The following BANP variants were observed in gnomAD, a reference collection of about 807,000 sequenced individuals.
The protein encoded by BANP is protein BANP.
Under a neutral mutation model 68.1 loss-of-function variants are expected in BANP, and 11 were observed. That is an observed-to-expected ratio of 0.16 (90% confidence interval 0.10 to 0.27). The LOEUF (loss-of-function observed/expected upper bound fraction) is 0.27. Among genes scored for constraint, BANP ranks in the 10% least tolerant of loss-of-function variants. BANP has a pLI of 1.00. For synonymous variants in BANP, 329 were observed against 303.2 expected (o/e 1.09, Z -0.88); for missense variants, 504 against 722.7 (o/e 0.70, Z 3.47).
intron 11 of BANP, among the ~76,000 whole-genome samples, chr16:88,054,240 C>T (rs2084299624): frequency 8.2e-6 from 1 of 121,420 alleles, no homozygotes; most frequent in Non-Finnish European, 2.0e-5. Flanking sequence ...TCATCACCAT[C>T]ACCAACACAG....
Position 88,021,535 on chromosome 16 carries a change from G to A in BANP, c.895+2868G>A, listed in dbSNP as rs114393581. ...GGACCAGGGCTGTGCCTTCTCCCCC[G>A]CCTCAGGCTAGGCGTGCCTGCGTGG... On this transcript the variant is annotated intron_variant, in intron 7 of 13. Coordinates refer to ENST00000682872, the MANE Select transcript of BANP (RefSeq NM_001386991.1). Among the ~76,000 whole-genome samples, 1,286 of 152,270 alleles carry A rather than the reference G, an allele frequency of 8.4e-3. 19 individuals carry two copies. Among genetic ancestry groups the A allele is most frequent in the African/African-American group, 0.028 (1,181 of 41,540 alleles).
chr16:87,971,266 CCTCTGT>C (rs1391744646), intron 1 of BANP, among the ~76,000 whole-genome samples: 1 of 152,206 alleles, frequency 6.6e-6, no homozygotes, highest in East Asian at 1.9e-4. Flanking sequence ...GCCTTCATCT[CCTCTGT>C]CTCAGTCCTG....
At chr16:88,042,283 A>T (rs2081009792) in intron 11 of BANP, among the ~76,000 whole-genome samples, 1 of 152,224 alleles carries the variant, frequency 6.6e-6, no homozygotes, top group Non-Finnish European at 1.5e-5. Context: ...ATTTGGGAAG[A>T]TGAGGTTCAG....
chr16:87,969,309 T>C (rs1404658892), intron 1 of BANP, among the ~76,000 whole-genome samples: 2 of 152,136 alleles, frequency 1.3e-5, no homozygotes, highest in Non-Finnish European at 2.9e-5. Flanking sequence ...TGGCTGAATG[T>C]TGTGTGGGGC....
intron 10 of BANP, among the ~76,000 whole-genome samples, chr16:88,035,954 C>G (rs1028508936): frequency 6.6e-6 from 1 of 152,242 alleles, no homozygotes; most frequent in Admixed American, 6.5e-5. Context: ...GCCACGCACT[C>G]AGAAGTGCGG....
chr16:88,028,810 G>C (rs920335086), intron 8 of BANP, among the ~76,000 whole-genome samples: 2 of 152,184 alleles, frequency 1.3e-5, no homozygotes, highest in African/African-American at 4.8e-5. Context: ...GCGATGTGAG[G>C]ACTATACTTA....
At chr16:87,971,297 G>A (rs1247045363) in intron 1 of BANP, among the ~76,000 whole-genome samples, 1 of 152,064 alleles carries the variant, frequency 6.6e-6, no homozygotes, top group African/African-American at 2.4e-5. Flanking sequence ...GAGATAGGGT[G>A]CTCCGCTAGC....
intron 1 of BANP, among the ~76,000 whole-genome samples, chr16:87,968,598 T>G (rs1253008921): frequency 6.6e-6 from 1 of 152,200 alleles, no homozygotes; most frequent in East Asian, 1.9e-4. Flanking sequence ...TCAAGCTGAC[T>G]ACTGACGACT....
At chr16:87,984,951 G>A (rs376161916) in intron 4 of BANP, among the ~76,000 whole-genome samples, 149 of 152,328 alleles carry the variant, frequency 9.8e-4, no homozygotes, top group Non-Finnish European at 1.6e-3. Flanking sequence ...TTGACTGAGC[G>A]CTACTCACTT....
chr16:87,961,690 C>T (rs879402408), intron 1 of BANP, among the ~76,000 whole-genome samples: 13 of 152,150 alleles, frequency 8.5e-5, no homozygotes, highest in Non-Finnish European at 1.6e-4. Flanking sequence ...TGTTTGTCCC[C>T]TTTGAAACTC....
At chr16:88,059,410 C>T (rs545916921) in intron 11 of BANP, among the ~76,000 whole-genome samples, 186 of 152,284 alleles carry the variant, frequency 1.2e-3, no homozygotes, top group African/African-American at 3.9e-3. Context: ...AGGCCCCTGT[C>T]ACTGGGTTCG....
intron 11 of BANP, among the ~76,000 whole-genome samples, chr16:88,042,209 C>T (rs2080990860): frequency 1.3e-5 from 2 of 152,232 alleles, no homozygotes; most frequent in Non-Finnish European, 2.9e-5. Flanking sequence ...GCGGATGGTG[C>T]ATCCCAAATG....
intron 11 of BANP, among the ~76,000 whole-genome samples, chr16:88,044,923 A>C (rs1016143518): frequency 2.6e-5 from 4 of 152,164 alleles, no homozygotes; most frequent in Non-Finnish European, 5.9e-5. Flanking sequence ...CGGAGCTTGC[A>C]TTGAGCTGAG....
chr16:88,007,229 G>T (rs1371398065), intron 6 of BANP, among the ~76,000 whole-genome samples: 1 of 152,118 alleles, frequency 6.6e-6, no homozygotes, highest in Admixed American at 6.5e-5. Context: ...AACTAGCATT[G>T]GCCTGCTGTG....
In BANP at chr16:88,027,660, G is replaced by C. The variant is rs367757603; in HGVS notation, c.1063+10G>C. The C allele has an allele frequency of 1.2e-6, 2 of 1,612,696 alleles. No homozygotes were observed. Among genetic ancestry groups the C allele is most frequent in the Admixed American group, 1.7e-5 (1 of 60,004 alleles). On this transcript the variant is annotated intron_variant, in intron 8 of 13. Coordinates refer to ENST00000682872, the MANE Select transcript of BANP (RefSeq NM_001386991.1). ...TCCTACTGCCCTTCAGGTAGGCCTC[G>C]TGCTGCAGGAGAGGCCGCCCTCCCC...
chr16:87,981,328 A>G (rs1405440878), intron 3 of BANP, among the ~76,000 whole-genome samples: 2 of 152,174 alleles, frequency 1.3e-5, no homozygotes, highest in African/African-American at 2.4e-5. Context: ...TCCAGCTTCT[A>G]GTGGCTCCGG....
chr16:88,048,303 T>C (rs2082458858), intron 11 of BANP, among the ~76,000 whole-genome samples: 1 of 152,194 alleles, frequency 6.6e-6, no homozygotes, highest in Non-Finnish European at 1.5e-5. Context: ...CTAATCTGCC[T>C]CATTGAGGAG....
chr16:87,969,628 T>G (rs4843751), intron 1 of BANP, among the ~76,000 whole-genome samples: 101,961 of 150,896 alleles, frequency 0.68, 35,250 homozygotes, highest in African/African-American at 0.8. Context: ...TGCCTCCCCA[T>G]TTCAAGCGAT....
chr16:87,975,104 T>A lies in BANP; in HGVS notation c.-12T>A. 1 of 1,559,838 alleles carries A rather than the reference T, an allele frequency of 6.4e-7. No homozygotes were observed. Among genetic ancestry groups the A allele is most frequent in the Non-Finnish European group, 8.8e-7 (1 of 1,139,046 alleles). Reference sequence around the variant, plus strand: ...ACTCTTTCGTGTTGACCGGCCACTCTCCGTGCTCTGGATGATGTCGGAACA... The same window carrying A: ...ACTCTTTCGTGTTGACCGGCCACTCACCGTGCTCTGGATGATGTCGGAACA... On this transcript the variant is annotated 5_prime_UTR_variant, in exon 2 of 14. Coordinates refer to ENST00000682872, the MANE Select transcript of BANP (RefSeq NM_001386991.1).
Sources: allele counts gnomAD v4.1 joint callset (sites outside exome capture counted in the v4.1 genomes callset), GRCh38; gene constraint gnomAD v4.1.1; transcripts MANE v1.5; gene names NCBI Gene and HGNC (gene_info 2026-07-23, HGNC 2026-07-21).